Variants in COL24A1 observed in about 807,000 individuals in gnomAD.
The protein encoded by COL24A1 is collagen type XXIV alpha 1 chain, also known as collagen alpha-1(XXIV) chain.
A neutral mutation model predicts 253.9 loss-of-function variants in COL24A1; 224 were observed. The observed-to-expected ratio is 0.88, with a 90% CI of 0.79 to 0.99. The LOEUF is 0.99. Among genes scored for constraint, COL24A1 ranks in the 50% least tolerant of loss-of-function variants. The pLI is 0.00. For missense variants in COL24A1, 2,131 were observed against 2,068.5 expected (o/e 1.03, Z -0.59); for synonymous variants, 685 against 673.7 (o/e 1.02, Z -0.26).
chr1:85,755,753 A>G (rs1321782248), intron 55 of COL24A1, among the ~76,000 whole-genome samples: 1 of 152,208 alleles, frequency 6.6e-6, no homozygotes, highest in African/African-American at 2.4e-5. Context: ...TGAACTCAAA[A>G]TGAATCAAAG....
At chr1:85,769,973 C>A (rs1004373354) in intron 53 of COL24A1, among the ~76,000 whole-genome samples, 3 of 152,100 alleles carry the variant, frequency 2.0e-5, no homozygotes, top group African/African-American at 7.2e-5. Context: ...CTGATGGAAA[C>A]TATGTCCCAG....
intron 24 of COL24A1, among the ~76,000 whole-genome samples, chr1:85,919,606 G>A (rs1686245885): frequency 6.6e-6 from 1 of 152,188 alleles, no homozygotes; most frequent in South Asian, 2.1e-4. Context: ...CTTGAGCCCA[G>A]GAGTTGGAGG....
chr1:85,872,214 A>T (rs1429649355), intron 35 of COL24A1, among the ~76,000 whole-genome samples: 1 of 152,228 alleles, frequency 6.6e-6, no homozygotes, highest in East Asian at 1.9e-4. Flanking sequence ...CAAATGGAAG[A>T]ACATTCCATG....
intron 24 of COL24A1, among the ~76,000 whole-genome samples, chr1:85,951,825 T>C (rs1239934224): frequency 6.6e-6 from 1 of 152,200 alleles, no homozygotes; most frequent in Non-Finnish European, 1.5e-5. Context: ...AACAACCTTG[T>C]ATCTCAGCTG....
chr1:85,868,680 C>A, intron 36 of COL24A1, 54 bp from the exon 37 acceptor site: 1 of 1,505,838 alleles, frequency 6.6e-7, no homozygotes, highest in Admixed American at 1.8e-5. Context: ...ATAATTATGC[C>A]AATAATAAAC....
intron 47 of COL24A1, among the ~76,000 whole-genome samples, chr1:85,791,048 C>T (rs1218975016): frequency 1.3e-5 from 2 of 152,132 alleles, no homozygotes; most frequent in Non-Finnish European, 2.9e-5. Context: ...AATTAAATCA[C>T]ATAGCAAAAA....
intron 32 of COL24A1, among the ~76,000 whole-genome samples, chr1:85,880,730 T>TG (rs1013390119): frequency 9.9e-5 from 15 of 151,798 alleles, no homozygotes; most frequent in African/African-American, 3.4e-4. Context: ...GAGAGTTTTT[T>TG]TTTTATCTTG....
chr1:85,889,706 C>T, intron 31 of COL24A1, 93 bp from the exon 32 acceptor site: 1 of 1,067,512 alleles, frequency 9.4e-7, no homozygotes, highest in Non-Finnish European at 1.4e-6. Context: ...GATCCTTCCA[C>T]CCAACTTTTC....
At chr1:85,831,180 G>C (rs1367663997) in intron 43 of COL24A1, among the ~76,000 whole-genome samples, 1 of 152,072 alleles carries the variant, frequency 6.6e-6, no homozygotes, top group Non-Finnish European at 1.5e-5. Context: ...AGCAGAGCCA[G>C]CAATTAACAG....
chr1:85,867,820 C>G (rs1324093320), intron 37 of COL24A1, among the ~76,000 whole-genome samples: 1 of 152,186 alleles, frequency 6.6e-6, no homozygotes, highest in East Asian at 1.9e-4. Context: ...TCTTGGCTCA[C>G]TGTAACCTCT....
intron 11 of COL24A1, among the ~76,000 whole-genome samples, 197 bp from the exon 12 acceptor site, chr1:86,047,066 C>T (rs1699961826): frequency 6.6e-6 from 1 of 152,136 alleles, no homozygotes; most frequent in South Asian, 2.1e-4. Context: ...AAACAAAATT[C>T]TGCTTTTATT....
intron 1 of COL24A1, chr1:86,154,282 G>A (rs952555792): frequency 6.6e-6 from 1 of 152,152 alleles, no homozygotes; most frequent in Non-Finnish European, 1.5e-5. Context: ...AAGTTTGCAT[G>A]TGTGGTTGGA....
At chr1:86,139,245 G>A (rs1163786729) in intron 2 of COL24A1, among the ~76,000 whole-genome samples, 1 of 151,912 alleles carries the variant, frequency 6.6e-6, no homozygotes, top group African/African-American at 2.4e-5. Flanking sequence ...GAGTGAGGGA[G>A]AAAGGTGAAA....
At chr1:85,861,430 T>C (rs954442236) in intron 37 of COL24A1, among the ~76,000 whole-genome samples, 3 of 152,164 alleles carry the variant, frequency 2.0e-5, no homozygotes, top group Admixed American at 2.0e-4. Context: ...CTTGATTGTG[T>C]CCTATGAACC....
At chr1:85,979,271 C>G (rs972089602) in intron 20 of COL24A1, among the ~76,000 whole-genome samples, 1 of 151,986 alleles carries the variant, frequency 6.6e-6, no homozygotes, top group Non-Finnish European at 1.5e-5. Flanking sequence ...TAAGGTCACA[C>G]CTCAAGGAAG....
At chr1:85,946,558 C>T (rs1312331430) in intron 24 of COL24A1, among the ~76,000 whole-genome samples, 4 of 152,148 alleles carry the variant, frequency 2.6e-5, no homozygotes, top group African/African-American at 9.7e-5. Flanking sequence ...AGCAGTAGTA[C>T]AATAAATACA....
rs750033519 is a variant in COL24A1, at chr1:85,737,401, T to C, written c.4777A>G (p.Thr1593Ala). The part of the protein sequence containing the change: ...GQTCLPPVSV[T>A]KLEFGVGKVQ... ...TCTAAAATTCAGTAACATACCTTTG[T>C]TACAGAAACAGGAGGTAAGCATGTC... Residue 1593 changes from threonine (T) to alanine (A), a missense_variant, in exon 58 of 60, where the codon ACA (threonine) becomes GCA (alanine). Coordinates refer to ENST00000370571, the MANE Select transcript of COL24A1 (RefSeq NM_152890.7). 1.9e-6 allele frequency: 3 copies of C among 1,608,280 alleles called. No individual in the cohort carries two copies. The highest frequency in any genetic ancestry group is 2.6e-6 in the Non-Finnish European group (3 of 1,175,978).
At chr1:86,134,524 G>A (rs1478107089) in intron 2 of COL24A1, among the ~76,000 whole-genome samples, 9 of 144,198 alleles carry the variant, frequency 6.2e-5, no homozygotes, top group African/African-American at 2.0e-4. Flanking sequence ...CTTTGAATGT[G>A]TCCCAGAGAT....
chr1:85,976,271 A>C (rs1168232569), intron 20 of COL24A1, among the ~76,000 whole-genome samples: 1 of 152,142 alleles, frequency 6.6e-6, no homozygotes, highest in African/African-American at 2.4e-5. Context: ...TGCTGAGCAC[A>C]GGCTACCTGG....
Sources: allele counts gnomAD v4.1 joint callset (sites outside exome capture counted in the v4.1 genomes callset), GRCh38; gene constraint gnomAD v4.1.1; transcripts MANE v1.5; gene names NCBI Gene and HGNC (gene_info 2026-07-23, HGNC 2026-07-21).